GALNT14: variants seen among roughly 807,000 people sequenced by gnomAD.
The protein encoded by GALNT14 is UDP-GalNAc:polypeptide N-acetylgalactosaminyltransferase 14.
In GALNT14, 60 loss-of-function variants were observed where a neutral mutation model predicts 77.5. That is an observed-to-expected ratio of 0.77 (90% CI 0.63 to 0.96). The LOEUF (loss-of-function observed/expected upper bound fraction) is 0.96. Among genes scored for constraint, GALNT14 ranks in the 40% least tolerant of loss-of-function variants. The probability of loss-of-function intolerance (pLI) is 0.00; values close to 1 mark genes in which losing one functional copy is unlikely to be tolerated. For missense variants in GALNT14, 710 were observed against 731.0 expected (o/e 0.97, Z 0.33); for synonymous variants, 280 against 281.7 (o/e 0.99, Z 0.06).
intron 1 of GALNT14, among the ~76,000 whole-genome samples, chr2:31,086,805 T>G (rs1676452466): frequency 6.6e-6 from 1 of 152,168 alleles, no homozygotes; most frequent in African/African-American, 2.4e-5. Context: ...CACTCCCTCA[T>G]GGGTTCACAG....
intron 1 of GALNT14, among the ~76,000 whole-genome samples, chr2:31,130,024 G>A (rs1271997053): frequency 6.6e-6 from 1 of 152,174 alleles, no homozygotes; most frequent in Non-Finnish European, 1.5e-5. Context: ...CAAATCCCAG[G>A]GCAGAGACAT....
At chr2:31,020,628 C>A (rs1214233085) in intron 1 of GALNT14, among the ~76,000 whole-genome samples, 1 of 152,202 alleles carries the variant, frequency 6.6e-6, no homozygotes, top group African/African-American at 2.4e-5. Flanking sequence ...TGGGAATGGC[C>A]TCCCCAAGCC....
intron 14 of GALNT14, among the ~76,000 whole-genome samples, 194 bp downstream of exon 14, chr2:30,912,029 G>A (rs771876517): frequency 2.6e-5 from 4 of 152,200 alleles, no homozygotes; most frequent in Non-Finnish European, 4.4e-5. Context: ...GCTGACCAGT[G>A]AGGGTGGATG....
At chr2:30,981,359 C>T (rs547222552) in intron 2 of GALNT14, among the ~76,000 whole-genome samples, 1 of 152,354 alleles carries the variant, frequency 6.6e-6, no homozygotes, top group Admixed American at 6.5e-5. Context: ...CCAATGTTTG[C>T]AGTCAAACTG....
Position 31,038,084 on chromosome 2 carries a change from A to ATTT in GALNT14, c.130-45080_130-45078dup, listed in dbSNP as rs1196402402. On this transcript the variant is annotated intron_variant, in intron 1 of 14. Transcript: ENST00000349752. Reference sequence around the variant, plus strand: ...ATTTGCCATATATATATATATATATATTTTTTTTTTTTTTTTTTTTTTTTT... The same window carrying ATTT: ...ATTTGCCATATATATATATATATATATTTTTTTTTTTTTTTTTTTTTTTTTTTT... Among the ~76,000 whole-genome samples, 45 of 52,650 alleles carry ATTT rather than the reference A, an allele frequency of 8.5e-4. 5 individuals are homozygous for ATTT. The highest frequency in any genetic ancestry group is 1.2e-3 in the Non-Finnish European group (36 of 30,934). 34.5% of individuals were successfully genotyped at this position (52,650 alleles called of 152,430 possible).
chr2:31,110,171 C>T (rs957562647), intron 1 of GALNT14, among the ~76,000 whole-genome samples: 5 of 152,128 alleles, frequency 3.3e-5, no homozygotes, highest in South Asian at 4.1e-4. Flanking sequence ...TCCAGGCCTC[C>T]GAATAGCCAC....
chr2:30,928,590 GC>G (rs1193239082), intron 11 of GALNT14, among the ~76,000 whole-genome samples: 1 of 152,000 alleles, frequency 6.6e-6, no homozygotes, highest in Non-Finnish European at 1.5e-5. Context: ...ATGGTATCTA[GC>G]TTTTATTTAT....
Position 31,103,490 on chromosome 2 carries a change from A to AACACACACAC in GALNT14, c.129+34458_129+34467dup, listed in dbSNP as rs58852483. ...GGCAGCTGCGTATAGAGAAGAAGGA[A>AACACACACAC]ACACACACACACACACACATTACAT... is the stretch of plus-strand genomic sequence containing the variant. On this transcript the variant is annotated intron_variant, in intron 1 of 14. Coordinates refer to ENST00000349752, the MANE Select transcript of GALNT14 (RefSeq NM_024572.4). Among the ~76,000 whole-genome samples the AACACACACAC allele has an allele frequency of 2.3e-3, 342 of 150,178 alleles. 1 individual carries two copies. The highest frequency in any genetic ancestry group is 2.8e-3 in the Non-Finnish European group (192 of 67,420).
chr2:30,923,882 C>T (rs145661590), intron 13 of GALNT14, among the ~76,000 whole-genome samples: 177 of 152,330 alleles, frequency 1.2e-3, no homozygotes, highest in African/African-American at 3.8e-3. Flanking sequence ...GGGCAATTTC[C>T]TATAGGCAGG....
chr2:30,916,396 G>A (rs1007912932), intron 13 of GALNT14, among the ~76,000 whole-genome samples: 11 of 152,186 alleles, frequency 7.2e-5, no homozygotes, highest in African/African-American at 2.7e-4. Context: ...TCAACCCTCG[G>A]TTTGGTCCGG....
At chr2:30,955,444 G>C (rs1317139778) in intron 6 of GALNT14, among the ~76,000 whole-genome samples, 174 bp downstream of exon 6, 2 of 152,200 alleles carry the variant, frequency 1.3e-5, no homozygotes, top group Non-Finnish European at 2.9e-5. Context: ...ACTGCCATGT[G>C]ACCTCACACA....
chr2:30,961,853 T>G (rs1439253430), intron 3 of GALNT14, among the ~76,000 whole-genome samples: 1 of 151,344 alleles, frequency 6.6e-6, no homozygotes, highest in African/African-American at 2.4e-5. Flanking sequence ...AGCTAATTTT[T>G]TGGTTTTTTT....
rs1678744522 is a variant in GALNT14, at chr2:31,127,176, C to T, written c.129+10782G>A. On this transcript the variant is annotated intron_variant, in intron 1 of 14. Coordinates refer to ENST00000349752, the MANE Select transcript of GALNT14 (RefSeq NM_024572.4). ...GAACAGTGCCAGTGCCCCAAAATGTCCTGTCCCCATCCAGTCAGTTACCCC... is the reference window on the plus strand; with the variant it reads ...GAACAGTGCCAGTGCCCCAAAATGTTCTGTCCCCATCCAGTCAGTTACCCC... 2.6e-5 allele frequency among the ~76,000 whole-genome samples: 4 copies of T among 152,156 alleles called. No homozygotes were observed. In the South Asian group the frequency reaches 6.2e-4, roughly 24 times the overall value.
At chr2:30,967,786 C>T (rs1668103229) in intron 2 of GALNT14, among the ~76,000 whole-genome samples, 1 of 152,186 alleles carries the variant, frequency 6.6e-6, no homozygotes, top group African/African-American at 2.4e-5. Flanking sequence ...CACCACATAG[C>T]TCTGCCAAAG....
chr2:30,900,340 G>A, the GALNT14 span, among the ~76,000 whole-genome samples: 1 of 152,128 alleles, frequency 6.6e-6, no homozygotes, highest in African/African-American at 2.4e-5. Flanking sequence ...CTGTCATTAT[G>A]AAGTAAAATA....
intron 13 of GALNT14, among the ~76,000 whole-genome samples, chr2:30,918,923 C>T (rs1443147309): frequency 6.6e-6 from 1 of 152,026 alleles, no homozygotes; most frequent in African/African-American, 2.4e-5. Flanking sequence ...GGCAGCCTGT[C>T]CCACCGGCAG....
chr2:31,134,297 G>A lies in GALNT14; in HGVS notation c.129+3661C>T, dbSNP rs915580111. Among the ~76,000 whole-genome samples the A allele has an allele frequency of 2.0e-5, 3 of 152,172 alleles. No individual in the cohort carries two copies. The South Asian group carries it at 6.2e-4, about 32-fold the overall frequency. On this transcript the variant is annotated intron_variant, in intron 1 of 14. Transcript: ENST00000349752. ...GAAGGGAGCCCACTCCTCTTGCTTT[G>A]GAAGAAAAGCTGACTCCCTCACCCA...
intron 1 of GALNT14, among the ~76,000 whole-genome samples, chr2:31,020,153 G>A (rs951771403): frequency 3.3e-5 from 5 of 152,116 alleles, no homozygotes; most frequent in East Asian, 3.9e-4. Flanking sequence ...GGGAACACAC[G>A]TCAGAGAAGT....
chr2:31,109,968 C>T (rs1234003092), intron 1 of GALNT14, among the ~76,000 whole-genome samples: 1 of 152,148 alleles, frequency 6.6e-6, no homozygotes, highest in Non-Finnish European at 1.5e-5. Flanking sequence ...TTTCAGAGCT[C>T]ATTTATTTTC....
Sources: allele counts gnomAD v4.1 joint callset (sites outside exome capture counted in the v4.1 genomes callset), GRCh38; gene constraint gnomAD v4.1.1; transcripts MANE v1.5; gene names NCBI Gene and HGNC (gene_info 2026-07-23, HGNC 2026-07-21).